EIF3E: variants seen among roughly 807,000 people sequenced by gnomAD.
EIF3E encodes eukaryotic translation initiation factor 3 subunit E, also known as eIF-3 p48.
A neutral mutation model predicts 59.3 loss-of-function variants in EIF3E; 25 were observed. That is an observed-to-expected ratio of 0.42 (90% CI 0.31 to 0.59). The LOEUF (loss-of-function observed/expected upper bound fraction) is 0.59. Among genes scored for constraint, EIF3E ranks in the 20% least tolerant of loss-of-function variants. The pLI is 0.15. For synonymous variants in EIF3E, 176 were observed against 170.2 expected (o/e 1.03, Z -0.26); for missense variants, 317 against 534.3 (o/e 0.59, Z 4.01).
chr8:108,204,724 T>G (rs1815058812), intron 10 of EIF3E, among the ~76,000 whole-genome samples: 1 of 81,104 alleles, frequency 1.2e-5, no homozygotes, highest in African/African-American at 4.2e-5. Flanking sequence ...CTATATATAG[T>G]ATGTATGTAT....
Position 108,201,973 on chromosome 8 carries a change from A to G in EIF3E, c.1300-50T>C, listed in dbSNP as rs572812097. On this transcript the variant is annotated intron_variant, in intron 12 of 12. Coordinates refer to ENST00000220849, the MANE Select transcript of EIF3E (RefSeq NM_001568.3). Reference sequence around the variant, plus strand: ...CACCGTGAAAAGAAAATACTTTCGGAAAAAAACTAACATAGAAGAAAGTAA... The same window carrying G: ...CACCGTGAAAAGAAAATACTTTCGGGAAAAAACTAACATAGAAGAAAGTAA... The G allele has an allele frequency of 8.1e-6, 12 of 1,484,702 alleles. No homozygotes were observed. The African/African-American group carries it at 1.1e-4, about 14-fold the overall frequency. 92.0% of individuals were successfully genotyped at this position (1,484,702 alleles called of 1,614,324 possible).
Position 108,239,245 on chromosome 8 carries a change from T to C in EIF3E, c.323+713A>G, listed in dbSNP as rs570291790. 2.6e-5 allele frequency among the ~76,000 whole-genome samples: 4 copies of C among 152,316 alleles called. No individual in the cohort carries two copies. In the South Asian group the frequency reaches 8.3e-4, roughly 32 times the overall value. On this transcript the variant is annotated intron_variant, in intron 3 of 12. Transcript: ENST00000220849. Reference sequence around the variant, plus strand: ...CCTACTTTGGAATGCAGTGGTATTATGACACTGACTCATTGCAACCTCCGC... The same window carrying C: ...CCTACTTTGGAATGCAGTGGTATTACGACACTGACTCATTGCAACCTCCGC...
At chr8:108,240,893 T>C (rs1815822748) in intron 2 of EIF3E, among the ~76,000 whole-genome samples, 1 of 151,712 alleles carries the variant, frequency 6.6e-6, no homozygotes, top group African/African-American at 2.4e-5. Flanking sequence ...GGCAGGAGAA[T>C]GGCGTGAACC....
chr8:108,240,620 A>G (rs2129922248), intron 2 of EIF3E, among the ~76,000 whole-genome samples: 1 of 152,324 alleles, frequency 6.6e-6, no homozygotes, highest in Non-Finnish European at 1.5e-5. Flanking sequence ...TCCTTTTACT[A>G]TACTATGAAA....
chr8:108,248,093 CCAAGA>C lies in EIF3E; in HGVS notation c.90+515_90+519del, dbSNP rs1220615943. Among the ~76,000 whole-genome samples the C allele has an allele frequency of 3.3e-5, 5 of 151,882 alleles. No individual in the cohort carries two copies. In the East Asian group the frequency reaches 9.7e-4, roughly 29 times the overall value. On this transcript the variant is annotated intron_variant, in intron 1 of 12. Coordinates refer to ENST00000220849, the MANE Select transcript of EIF3E (RefSeq NM_001568.3). ...TGCTGTTCTAGAAAGTCCTACTTAA[CCAAGA>C]CAAGAAAACGCAAAGAACTCACAAC...
intron 1 of EIF3E, chr8:108,242,410 A>G: frequency 7.8e-7 from 1 of 1,289,422 alleles, no homozygotes; most frequent in Non-Finnish European, 1.0e-6. Flanking sequence ...GATCCAAAAA[A>G]GCATAATTTA....
chr8:108,218,714 C>T (rs1033842442), intron 7 of EIF3E, among the ~76,000 whole-genome samples: 8 of 151,872 alleles, frequency 5.3e-5, no homozygotes, highest in Admixed American at 5.2e-4. Context: ...GGTACAAACA[C>T]AGGAAAGCAT....
intron 5 of EIF3E, among the ~76,000 whole-genome samples, chr8:108,233,836 CAAAAAAAAA>C (rs35065360): frequency 1.1e-4 from 8 of 74,030 alleles, no homozygotes; most frequent in South Asian, 6.0e-4. Context: ...GACCCTGTCT[CAAAAAAAAA>C]AAAAAAAAAA....
At chr8:108,246,022 AAAGTTT>A (rs1416394067) in intron 1 of EIF3E, among the ~76,000 whole-genome samples, 4 of 152,174 alleles carry the variant, frequency 2.6e-5, no homozygotes, top group African/African-American at 9.7e-5. Flanking sequence ...TACCTATGAT[AAAGTTT>A]AATTTATAAA....
chr8:108,242,621 T>A (rs556641586), intron 1 of EIF3E: 2 of 1,165,536 alleles, frequency 1.7e-6, no homozygotes, highest in East Asian at 1.2e-4. Context: ...CCACAAAAAA[T>A]AAAGATGAAG....
At chr8:108,233,299 G>A (rs1282600494) in intron 5 of EIF3E, 3 of 152,118 alleles carry the variant, frequency 2.0e-5, no homozygotes, top group Non-Finnish European at 4.4e-5. Flanking sequence ...AGTTGTCTAT[G>A]CAATTTAAGT....
intron 1 of EIF3E, among the ~76,000 whole-genome samples, chr8:108,243,644 A>AC (rs1263205566): frequency 2.0e-5 from 3 of 149,698 alleles, no homozygotes; most frequent in Non-Finnish European, 4.4e-5. Context: ...AAAAGAAAAA[A>AC]AAAAAAAAAA....
At chr8:108,207,129 ACTG>A (rs1815116094) in intron 10 of EIF3E, among the ~76,000 whole-genome samples, 1 of 152,200 alleles carries the variant, frequency 6.6e-6, no homozygotes. Flanking sequence ...TATCACTCTG[ACTG>A]AATTAAAGAA....
At chr8:108,245,129 C>G (rs942104888) in intron 1 of EIF3E, among the ~76,000 whole-genome samples, 3 of 146,048 alleles carry the variant, frequency 2.1e-5, no homozygotes, top group Non-Finnish European at 2.9e-5. Context: ...CTGCCCCCCC[C>G]TCCCATCCCA....
Position 108,214,687 on chromosome 8 carries a change from A to T in EIF3E, c.981T>A (p.Ala327=), listed in dbSNP as rs372777768. 6.2e-7 allele frequency: 1 copy of T among 1,610,006 alleles called. No individual in the cohort carries two copies. The change falls in exon 10 of 13, where the codon GCT becomes GCA. Residue 327 remains alanine, a synonymous_variant. Coordinates refer to ENST00000220849, the MANE Select transcript of EIF3E (RefSeq NM_001568.3). The part of the protein sequence containing the change: ...SVLVNDFFLV[A]CLEDFIENAR... ...CATTTTCAATGAAATCCTCAAGACA[A>T]GCCACCAAGAAGAAGTCATTCACAA...
chr8:108,245,728 AAG>A (rs913202152), intron 1 of EIF3E, among the ~76,000 whole-genome samples: 1 of 152,226 alleles, frequency 6.6e-6, no homozygotes, highest in African/African-American at 2.4e-5. Flanking sequence ...GAAAATAAAG[AAG>A]AGTGAGAAAC....
Position 108,228,369 on chromosome 8 carries a change from G to C in EIF3E, c.620C>G (p.Ser207Cys), listed in dbSNP as rs1480429072. 1.9e-6 allele frequency: 3 copies of C among 1,569,334 alleles called. No individual in the cohort carries two copies. Among genetic ancestry groups the C allele is most frequent in the Non-Finnish European group, 2.6e-6 (3 of 1,157,986 alleles). The change falls in exon 7 of 13, where the codon TCT becomes TGT. Residue 207 changes from serine (S) to cysteine (C), a missense_variant. Transcript: ENST00000220849. Reference protein sequence around the residue: ...DNNSVSSPLQSLQQRTWLIHW... With the variant: ...DNNSVSSPLQCLQQRTWLIHW... Reference sequence around the variant, plus strand: ...AATGAGCCATGTTCTCTGCTGAAGAGACTGAAGTGGAGAACTCACAGACTA... The same window carrying C: ...AATGAGCCATGTTCTCTGCTGAAGACACTGAAGTGGAGAACTCACAGACTA...
chr8:108,238,364 T>A (rs1815774505), intron 3 of EIF3E, among the ~76,000 whole-genome samples: 1 of 152,148 alleles, frequency 6.6e-6, no homozygotes, highest in Admixed American at 6.5e-5. Flanking sequence ...AATACCAAAA[T>A]CTGCAGGTGC....
At chr8:108,209,563 T>G (rs1477225942) in intron 10 of EIF3E, among the ~76,000 whole-genome samples, 1 of 152,144 alleles carries the variant, frequency 6.6e-6, no homozygotes, top group South Asian at 2.1e-4. Context: ...GGATTTTAAG[T>G]TCTTTGAAAG....
Sources: gnomAD v4.1 joint callset for allele counts (sites outside exome capture counted in the v4.1 genomes callset) on GRCh38, gnomAD v4.1.1 for gene constraint, MANE v1.5 for transcripts, NCBI Gene and HGNC (gene_info 2026-07-23, HGNC 2026-07-21) for gene names.